ADAMTS6: variants seen among roughly 807,000 people sequenced by gnomAD.
ADAMTS6 encodes A disintegrin and metalloproteinase with thrombospondin motifs 6.
Under a neutral mutation model 144.3 loss-of-function variants are expected in ADAMTS6, and 23 were observed. The observed-to-expected ratio is 0.16, with a 90% CI of 0.11 to 0.23. The LOEUF is 0.23. Ranked by LOEUF, ADAMTS6 falls within the 10% of genes least tolerant of loss-of-function variation. ADAMTS6 has a pLI of 1.00. For synonymous variants in ADAMTS6, 444 were observed against 457.5 expected (o/e 0.97, Z 0.38); for missense variants, 999 against 1,379.6 (o/e 0.72, Z 4.37).
chr5:65,204,951 C>A (rs1039145747), intron 20 of ADAMTS6, among the ~76,000 whole-genome samples: 1 of 152,088 alleles, frequency 6.6e-6, no homozygotes, highest in Non-Finnish European at 1.5e-5. Flanking sequence ...GAATAAAGTG[C>A]TTTTAACTAT....
intron 15 of ADAMTS6, among the ~76,000 whole-genome samples, chr5:65,234,639 CTT>C (rs1289673922): frequency 1.3e-5 from 2 of 152,022 alleles, no homozygotes; most frequent in South Asian, 2.1e-4. Flanking sequence ...AAAGAAAACT[CTT>C]ATATACATTA....
At chr5:65,167,679 T>C (rs1753276187) in intron 24 of ADAMTS6, among the ~76,000 whole-genome samples, 1 of 125,296 alleles carries the variant, frequency 8.0e-6, no homozygotes, top group African/African-American at 3.1e-5. Context: ...AAAAAGCTTA[T>C]CCACCATGAC....
At chr5:65,207,213 G>T (rs976366461) in intron 20 of ADAMTS6, among the ~76,000 whole-genome samples, 11 of 152,002 alleles carry the variant, frequency 7.2e-5, no homozygotes, top group Non-Finnish European at 1.5e-4. Flanking sequence ...ATGCTTTTGT[G>T]TATTAGCAGA....
intron 20 of ADAMTS6, among the ~76,000 whole-genome samples, chr5:65,206,699 CAAAA>C (rs11296295): frequency 2.6e-5 from 2 of 77,888 alleles, no homozygotes; most frequent in Non-Finnish European, 2.4e-5. Flanking sequence ...GACTCCATCT[CAAAA>C]AAAAAAAAAA....
chr5:65,481,297 G>A (rs539877492), intron 1 of ADAMTS6, 46 bp downstream of exon 1: 56 of 148,858 alleles, frequency 3.8e-4, no homozygotes, highest in Admixed American at 3.4e-3. Flanking sequence ...CAAGTTGTTG[G>A]TTTAAAAAAA....
intron 14 of ADAMTS6, among the ~76,000 whole-genome samples, chr5:65,248,336 G>A (rs1272429874): frequency 2.0e-5 from 3 of 151,896 alleles, no homozygotes; most frequent in Non-Finnish European, 2.9e-5. Context: ...GAAAACAAGG[G>A]CAGATAACCC....
chr5:65,320,618 G>T, intron 9 of ADAMTS6, among the ~76,000 whole-genome samples: 1 of 150,178 alleles, frequency 6.7e-6, no homozygotes, highest in Admixed American at 6.6e-5. Flanking sequence ...GTAAATTTGT[G>T]TCATGGGGGT....
intron 7 of ADAMTS6, among the ~76,000 whole-genome samples, chr5:65,348,659 C>A (rs1262386990): frequency 6.6e-6 from 1 of 151,836 alleles, no homozygotes; most frequent in Non-Finnish European, 1.5e-5. Flanking sequence ...AATGTTTGTA[C>A]CACAAATAAA....
chr5:65,278,035 G>C (rs930349512), intron 11 of ADAMTS6, among the ~76,000 whole-genome samples: 1 of 125,232 alleles, frequency 8.0e-6, no homozygotes, highest in South Asian at 2.6e-4. Flanking sequence ...TGTATGCCTC[G>C]GTATACTCAT....
At chr5:65,377,442 C>A (rs1751667360) in intron 7 of ADAMTS6, among the ~76,000 whole-genome samples, 1 of 152,156 alleles carries the variant, frequency 6.6e-6, no homozygotes, top group Non-Finnish European at 1.5e-5. Flanking sequence ...TCTTTAAATA[C>A]CTCCTAAAAG....
At chr5:65,436,157 C>T (rs879057420) in intron 7 of ADAMTS6, among the ~76,000 whole-genome samples, 5 of 151,906 alleles carry the variant, frequency 3.3e-5, no homozygotes, top group Admixed American at 3.3e-4. Context: ...CTGAAGAGCT[C>T]GAGACCAACC....
chr5:65,214,362 G>A lies in ADAMTS6; in HGVS notation c.2575+432C>T. 9.2e-6 allele frequency: 3 copies of A among 326,420 alleles called. No homozygotes were observed. Among genetic ancestry groups the A allele is most frequent in the South Asian group, 7.8e-5 (3 of 38,378 alleles). 20.2% of individuals were successfully genotyped at this position (326,420 alleles called of 1,614,324 possible). A position where few individuals can be genotyped will look rare whatever the true frequency, so the allele number is the denominator to read the frequency against. ...AGAAGGGAGTTTGAATAGGATTGTGGCAAACACACAGGCACACAAACACAC... is the reference window on the plus strand; with the variant it reads ...AGAAGGGAGTTTGAATAGGATTGTGACAAACACACAGGCACACAAACACAC... On this transcript the variant is annotated intron_variant, in intron 20 of 24. Transcript: ENST00000381055. This position sits in a 1 kb window ranked among gnomAD's most constrained non-coding sequence, Gnocchi z 4.6.
intron 7 of ADAMTS6, among the ~76,000 whole-genome samples, chr5:65,448,876 G>C (rs562859328): frequency 5.3e-5 from 8 of 152,132 alleles, no homozygotes; most frequent in Non-Finnish European, 7.3e-5. Context: ...AAGTGAGTTA[G>C]ATCAACCAAT....
At chr5:65,434,153 T>A (rs1228048659) in intron 7 of ADAMTS6, among the ~76,000 whole-genome samples, 1 of 152,198 alleles carries the variant, frequency 6.6e-6, no homozygotes, top group East Asian at 1.9e-4. Flanking sequence ...TTACAAAAGA[T>A]CTCATATTTT....
chr5:65,278,365 T>A (rs1234759546), intron 11 of ADAMTS6, among the ~76,000 whole-genome samples: 1 of 152,220 alleles, frequency 6.6e-6, no homozygotes, highest in Non-Finnish European at 1.5e-5. Flanking sequence ...GATTGCTAGA[T>A]CAAAAGGCAG....
chr5:65,323,566 C>T (rs1323015665), intron 9 of ADAMTS6, among the ~76,000 whole-genome samples: 3 of 152,012 alleles, frequency 2.0e-5, no homozygotes, highest in South Asian at 2.1e-4. Flanking sequence ...TGAATAATGC[C>T]GCTATAAACA....
intron 9 of ADAMTS6, among the ~76,000 whole-genome samples, chr5:65,312,043 G>A (rs1727245068): frequency 6.6e-6 from 1 of 151,924 alleles, no homozygotes; most frequent in African/African-American, 2.4e-5. Flanking sequence ...CATAGAACAT[G>A]TACTTTTAAA....
intron 7 of ADAMTS6, among the ~76,000 whole-genome samples, chr5:65,449,281 C>A (rs1003405267): frequency 5.9e-5 from 9 of 152,188 alleles, no homozygotes; most frequent in African/African-American, 1.7e-4. Flanking sequence ...ATCCTGTTAT[C>A]ATTTCTAGTA....
At chr5:65,266,857 A>G (rs1018467824) in intron 12 of ADAMTS6, among the ~76,000 whole-genome samples, 3 of 148,388 alleles carry the variant, frequency 2.0e-5, no homozygotes. Flanking sequence ...CTCCTTTGGT[A>G]GTAGTAAACA....
Sources: gnomAD v4.1 joint callset for allele counts (sites outside exome capture counted in the v4.1 genomes callset) on GRCh38, gnomAD v4.1.1 for gene constraint, Gnocchi (gnomAD v3.1) non-coding constraint, MANE v1.5 for transcripts, NCBI Gene and HGNC (gene_info 2026-07-23, HGNC 2026-07-21) for gene names.